Variants in GUCY1A2 observed in about 807,000 individuals in gnomAD.
The protein encoded by GUCY1A2 is guanylate cyclase 1 soluble subunit alpha 2.
A neutral mutation model predicts 63.5 loss-of-function variants in GUCY1A2; 27 were observed. That is an observed-to-expected ratio of 0.43 (90% CI 0.31 to 0.59). GUCY1A2 has a LOEUF of 0.59. Ranked by LOEUF, GUCY1A2 falls within the 20% of genes least tolerant of loss-of-function variation. GUCY1A2 has a pLI of 0.11. For synonymous variants in GUCY1A2, 364 were observed against 343.5 expected, an observed-to-expected ratio of 1.06 and a Z score of -0.66; for missense variants, 768 against 913.3, an observed-to-expected ratio of 0.84 and a Z score of 2.05.
intron 4 of GUCY1A2, among the ~76,000 whole-genome samples, chr11:106,937,099 T>C (rs1219346286): frequency 2.0e-5 from 3 of 152,126 alleles, no homozygotes; most frequent in African/African-American, 7.2e-5. Context: ...TAGTATCAAT[T>C]TGGGGCAACT....
chr11:107,004,843 T>C (rs1861652387), intron 1 of GUCY1A2, among the ~76,000 whole-genome samples: 1 of 152,110 alleles, frequency 6.6e-6, no homozygotes, highest in Non-Finnish European at 1.5e-5. Flanking sequence ...ATTTCTGACA[T>C]GAGGAACCGA....
rs754782095 is a variant in GUCY1A2 at position 106,939,468 on chromosome 11, T to C, written c.1198A>G (p.Lys400Glu). The stretch of plus-strand genomic sequence containing the variant: ...AAGTCCATAGCACTTACCTTGTCTT[T>C]ATTTTCAGAGCCAGAAGCCTCAGGC... ...TKPEASGSEN[K>E]DKVMEVKGQM... The change falls in exon 4 of 8, where the codon AAA (lysine) becomes GAA (glutamate). Residue 400 changes from lysine to glutamate, a missense_variant. By Grantham distance (56) the Lys-to-Glu change is moderately conservative (BLOSUM62 1). Around this residue, in one of 3 missense-constraint regions of GUCY1A2, gnomAD observed 122 missense variants for 238.1 expected, o/e 0.51. Coordinates refer to ENST00000526355, the MANE Select transcript of GUCY1A2 (RefSeq NM_000855.3). The C allele has an allele frequency of 6.4e-7, 1 of 1,573,264 alleles. No homozygotes were observed. Among genetic ancestry groups the C allele is most frequent in the East Asian group, 2.3e-5 (1 of 44,302 alleles).
chr11:107,003,737 A>G (rs893379318), intron 1 of GUCY1A2, among the ~76,000 whole-genome samples: 1 of 152,206 alleles, frequency 6.6e-6, no homozygotes, highest in East Asian at 1.9e-4. Flanking sequence ...CCATTACTGA[A>G]TCTTGCACTT....
chr11:106,858,813 G>A, intron 4 of GUCY1A2, among the ~76,000 whole-genome samples: 1 of 152,060 alleles, frequency 6.6e-6, no homozygotes. Context: ...TAAAATCTTA[G>A]ATGAGTACAA....
intron 5 of GUCY1A2, among the ~76,000 whole-genome samples, chr11:106,790,223 T>C (rs1031623206): frequency 6.6e-6 from 1 of 151,974 alleles, no homozygotes; most frequent in Non-Finnish European, 1.5e-5. Flanking sequence ...ACCTTCCTAC[T>C]CTTCCCTCCC....
At chr11:106,932,936 C>A (rs531725629) in intron 4 of GUCY1A2, among the ~76,000 whole-genome samples, 2 of 152,146 alleles carry the variant, frequency 1.3e-5, no homozygotes, top group East Asian at 3.9e-4. Context: ...TGAAATGGGA[C>A]CCCTGCCTTT....
chr11:106,856,092 AATTTTTTTTTGT>A (rs1486462644), intron 4 of GUCY1A2, among the ~76,000 whole-genome samples: 1 of 141,714 alleles, frequency 7.1e-6, no homozygotes, highest in African/African-American at 2.6e-5. Flanking sequence ...CACCTGGCTA[AATTTTTTTTTGT>A]ATTTTTTTTT....
chr11:106,746,107 G>C (rs1863782500), intron 6 of GUCY1A2, among the ~76,000 whole-genome samples: 1 of 152,066 alleles, frequency 6.6e-6, no homozygotes, highest in Non-Finnish European at 1.5e-5. Context: ...AGCCATGAAT[G>C]AAAGCCACTG....
chr11:106,771,640 T>A (rs750770017), intron 6 of GUCY1A2, among the ~76,000 whole-genome samples: 9 of 151,970 alleles, frequency 5.9e-5, no homozygotes, highest in Non-Finnish European at 1.0e-4. Flanking sequence ...TGGTCCCAGC[T>A]ACTCCAGAGA....
chr11:106,920,275 A>C (rs1200351362), intron 4 of GUCY1A2, among the ~76,000 whole-genome samples: 1 of 152,128 alleles, frequency 6.6e-6, no homozygotes, highest in Non-Finnish European at 1.5e-5. Flanking sequence ...GGAGTTCCCC[A>C]GTATAAAATT....
At chr11:106,843,566 C>G (rs1302540109) in intron 4 of GUCY1A2, among the ~76,000 whole-genome samples, 1 of 151,774 alleles carries the variant, frequency 6.6e-6, no homozygotes, top group African/African-American at 2.4e-5. Flanking sequence ...AGGGTCAGAA[C>G]TTCAGGAATA....
intron 3 of GUCY1A2, among the ~76,000 whole-genome samples, chr11:106,963,365 C>A (rs528592308): frequency 6.6e-6 from 1 of 152,258 alleles, no homozygotes; most frequent in Non-Finnish European, 1.5e-5. Flanking sequence ...AATATAGTAC[C>A]ATGAAAATCG....
At chr11:106,900,861 C>A (rs571199731) in intron 4 of GUCY1A2, among the ~76,000 whole-genome samples, 1 of 152,182 alleles carries the variant, frequency 6.6e-6, no homozygotes, top group Non-Finnish European at 1.5e-5. Context: ...ATTATCTGAG[C>A]CTTCAGCAAC....
chr11:106,779,417 C>T (rs573219741), intron 5 of GUCY1A2, among the ~76,000 whole-genome samples: 2 of 152,194 alleles, frequency 1.3e-5, no homozygotes, highest in Non-Finnish European at 2.9e-5. Flanking sequence ...TGCTAATCTT[C>T]ACATTATCCC....
intron 4 of GUCY1A2, among the ~76,000 whole-genome samples, chr11:106,878,763 T>C (rs1390114327): frequency 7.1e-6 from 1 of 139,940 alleles, no homozygotes; most frequent in African/African-American, 2.7e-5. Flanking sequence ...CCTGCACGTG[T>C]ACCTTTCAAC....
chr11:106,731,663 G>T (rs1863508707), intron 6 of GUCY1A2, among the ~76,000 whole-genome samples: 2 of 151,950 alleles, frequency 1.3e-5, no homozygotes, highest in Admixed American at 6.6e-5. Flanking sequence ...AAAACTCCTT[G>T]ATCTGATAAA....
chr11:106,922,156 G>T (rs1189519594), intron 4 of GUCY1A2, among the ~76,000 whole-genome samples: 5 of 152,060 alleles, frequency 3.3e-5, no homozygotes, highest in Non-Finnish European at 7.4e-5. Context: ...ACAGCATATG[G>T]GAAATCAGAC....
intron 1 of GUCY1A2, among the ~76,000 whole-genome samples, chr11:107,003,895 A>G (rs73555833): frequency 6.6e-5 from 10 of 152,290 alleles, no homozygotes; most frequent in African/African-American, 2.4e-4. Flanking sequence ...AGAAAGCAGA[A>G]TTGGGCACAA....
intron 5 of GUCY1A2, among the ~76,000 whole-genome samples, chr11:106,792,014 G>T (rs1432709828): frequency 6.6e-6 from 1 of 151,966 alleles, no homozygotes; most frequent in Non-Finnish European, 1.5e-5. Context: ...AAAACTTAGG[G>T]CCAGCATCCT....
Sources: allele counts gnomAD v4.1 joint callset (sites outside exome capture counted in the v4.1 genomes callset), GRCh38; gene constraint gnomAD v4.1.1; regional missense constraint gnomAD v4.1.1; transcripts MANE v1.5; gene names NCBI Gene and HGNC (gene_info 2026-07-23, HGNC 2026-07-21).